NCOA2: variants seen among roughly 807,000 people sequenced by gnomAD.
NCOA2 encodes the protein nuclear receptor coactivator 2, also known as class E basic helix-loop-helix protein 75.
In NCOA2, 21 loss-of-function variants were observed where a neutral mutation model predicts 145.1. The observed-to-expected ratio is 0.14, with a 90% CI of 0.10 to 0.21. The LOEUF is 0.21. Ranked by LOEUF, NCOA2 falls within the 10% of genes least tolerant of loss-of-function variation. NCOA2 has a pLI of 1.00. For missense variants in NCOA2, 1,472 were observed against 1,837.6 expected (o/e 0.80, Z 3.64); for synonymous variants, 619 against 637.5 (o/e 0.97, Z 0.44).
rs73287401 is a variant in NCOA2, at chr8:70,185,270, T to C, written c.260-10411A>G. On this transcript the variant is annotated intron_variant, in intron 4 of 22. Transcript: ENST00000452400. Reference sequence around the variant, plus strand: ...CAATCATGGGAGGACCTCACCAGTGTGGTTTTTCAAAAAGCAGGTGTTCCT... The same window carrying C: ...CAATCATGGGAGGACCTCACCAGTGCGGTTTTTCAAAAAGCAGGTGTTCCT... 4.3e-3 allele frequency among the ~76,000 whole-genome samples: 653 copies of C among 152,290 alleles called. 5 individuals are homozygous for C. The highest frequency in any genetic ancestry group is 0.015 in the African/African-American group (623 of 41,562).
the NCOA2 span, among the ~76,000 whole-genome samples, chr8:70,431,542 C>T: frequency 2.0e-5 from 3 of 152,304 alleles, no homozygotes; most frequent in East Asian, 3.9e-4. Context: ...ACCAGAAATA[C>T]ACTATTTGTG....
intron 1 of NCOA2, among the ~76,000 whole-genome samples, chr8:70,351,594 CTTTTTTT>C (rs66475474): frequency 7.4e-6 from 1 of 134,444 alleles, no homozygotes; most frequent in African/African-American, 2.7e-5. Context: ...TCTTTTTTTC[CTTTTTTT>C]TTTTTTTTTA....
At chr8:70,169,770 A>T (rs539499698) in intron 6 of NCOA2, among the ~76,000 whole-genome samples, 10 of 152,146 alleles carry the variant, frequency 6.6e-5, no homozygotes, top group East Asian at 1.9e-4. Flanking sequence ...ATAAAAAATT[A>T]AAAAAAATAC....
intron 1 of NCOA2, among the ~76,000 whole-genome samples, chr8:70,400,131 C>T (rs974734575): frequency 3.9e-5 from 6 of 152,172 alleles, no homozygotes; most frequent in Non-Finnish European, 7.3e-5. Context: ...CTAAGCCACT[C>T]ATCTAAATTA....
chr8:70,298,871 C>G (rs981635921), intron 1 of NCOA2, among the ~76,000 whole-genome samples: 16 of 152,042 alleles, frequency 1.1e-4, no homozygotes, highest in African/African-American at 3.9e-4. Flanking sequence ...ACCATCCCGG[C>G]TAACACGGTG....
chr8:70,244,644 G>C (rs1403738390), intron 2 of NCOA2, among the ~76,000 whole-genome samples: 1 of 152,020 alleles, frequency 6.6e-6, no homozygotes, highest in Non-Finnish European at 1.5e-5. Context: ...AAGGTAGAAA[G>C]ATAAAGCTTA....
intron 2 of NCOA2, among the ~76,000 whole-genome samples, chr8:70,276,546 T>C (rs1020887407): frequency 6.6e-6 from 1 of 152,138 alleles, no homozygotes; most frequent in Admixed American, 6.5e-5. Context: ...GTTTCCCCCA[T>C]CCTATTTTTG....
chr8:70,192,134 C>A, intron 4 of NCOA2, among the ~76,000 whole-genome samples: 1 of 152,192 alleles, frequency 6.6e-6, no homozygotes, highest in Non-Finnish European at 1.5e-5. Context: ...TCAAAGAATA[C>A]ATTTCCAATT....
chr8:70,262,009 T>C (rs1171751477), intron 2 of NCOA2, among the ~76,000 whole-genome samples: 1 of 151,962 alleles, frequency 6.6e-6, no homozygotes, highest in African/African-American at 2.4e-5. Flanking sequence ...TAAAATAAGT[T>C]AAAAATTTAA....
chr8:70,128,311 G>C, intron 18 of NCOA2, 122 bp downstream of exon 18: 2 of 782,308 alleles, frequency 2.6e-6, no homozygotes, highest in South Asian at 3.4e-5. Context: ...CTAGATGACA[G>C]TACAGGGCTA....
intron 1 of NCOA2, among the ~76,000 whole-genome samples, chr8:70,335,817 C>T (rs1184813556): frequency 6.6e-6 from 1 of 152,104 alleles, no homozygotes; most frequent in Non-Finnish European, 1.5e-5. Flanking sequence ...CTGCTACACA[C>T]CGAGGCTATA....
rs2133310074 is a variant in NCOA2, at chr8:70,193,222, G to C, written c.260-18363C>G. Among the ~76,000 whole-genome samples, 4 of 152,192 alleles carry C rather than the reference G, an allele frequency of 2.6e-5. No individual in the cohort carries two copies. The South Asian group carries it at 8.3e-4, about 32-fold the overall frequency. On this transcript the variant is annotated intron_variant, in intron 4 of 22. Coordinates refer to ENST00000452400, the MANE Select transcript of NCOA2 (RefSeq NM_006540.4). Reference sequence around the variant, plus strand: ...GAGCTATATGCACCACATAGATTAAGAACTTCTCTCGTTAGATGCAATATT... The same window carrying C: ...GAGCTATATGCACCACATAGATTAACAACTTCTCTCGTTAGATGCAATATT...
At chr8:70,168,982 T>C (rs536119114) in intron 6 of NCOA2, among the ~76,000 whole-genome samples, 1 of 152,340 alleles carries the variant, frequency 6.6e-6, no homozygotes, top group Admixed American at 6.5e-5. Flanking sequence ...AAGGAAAAGC[T>C]AGCCCGAATG....
chr8:70,261,931 T>C (rs1224673085), intron 2 of NCOA2, among the ~76,000 whole-genome samples: 1 of 152,110 alleles, frequency 6.6e-6, no homozygotes, highest in Non-Finnish European at 1.5e-5. Flanking sequence ...GAAAAGTGGA[T>C]ACAGCAAACA....
intron 14 of NCOA2, among the ~76,000 whole-genome samples, chr8:70,140,718 T>A (rs1423136123): frequency 2.0e-5 from 3 of 147,984 alleles, no homozygotes; most frequent in African/African-American, 7.5e-5. Context: ...TGCCTCAGCA[T>A]CCTGAGTAGC....
chr8:70,387,510 G>A (rs746593396), intron 1 of NCOA2, among the ~76,000 whole-genome samples: 9 of 152,060 alleles, frequency 5.9e-5, no homozygotes, highest in Non-Finnish European at 8.8e-5. Flanking sequence ...GGACAGTAAC[G>A]CTTCAACTTT....
At chr8:70,266,937 G>A (rs116659829) in intron 2 of NCOA2, among the ~76,000 whole-genome samples, 12 of 152,282 alleles carry the variant, frequency 7.9e-5, no homozygotes, top group South Asian at 2.1e-4. Flanking sequence ...GGGCAATAAC[G>A]TAGTACTTTG....
chr8:70,171,717 C>G (rs929410793), intron 5 of NCOA2, among the ~76,000 whole-genome samples: 1 of 152,214 alleles, frequency 6.6e-6, no homozygotes, highest in African/African-American at 2.4e-5. Context: ...GCCTGGAGTA[C>G]AGTGGCACGA....
intron 2 of NCOA2, among the ~76,000 whole-genome samples, chr8:70,259,802 A>G (rs930300837): frequency 2.6e-5 from 4 of 152,240 alleles, no homozygotes; most frequent in Non-Finnish European, 5.9e-5. Context: ...TGTTATTACA[A>G]ACTTCTGTGT....
Sources: gnomAD v4.1 joint callset for allele counts (sites outside exome capture counted in the v4.1 genomes callset) on GRCh38, gnomAD v4.1.1 for gene constraint, MANE v1.5 for transcripts, NCBI Gene and HGNC (gene_info 2026-07-23, HGNC 2026-07-21) for gene names.